PDGFD: variants seen among roughly 807,000 people sequenced by gnomAD.
PDGFD encodes the protein platelet-derived growth factor D.
PDGFD carries 30 observed loss-of-function variants against 44.7 expected under a neutral mutation model. The ratio of observed to expected loss-of-function variants is 0.67; its 90% CI spans 0.50 to 0.91. The LOEUF is 0.91. Among genes scored for constraint, PDGFD ranks in the 40% least tolerant of loss-of-function variants. The probability of loss-of-function intolerance (pLI) is 0.00; values close to 1 mark genes in which losing one functional copy is unlikely to be tolerated. For synonymous variants in PDGFD, 173 were observed against 168.4 expected, an observed-to-expected ratio of 1.03 and a Z score of -0.21; for missense variants, 445 against 457.8, an observed-to-expected ratio of 0.97 and a Z score of 0.25.
At chr11:104,002,841 T>C (rs1330096036) in intron 1 of PDGFD, among the ~76,000 whole-genome samples, 1 of 152,238 alleles carries the variant, frequency 6.6e-6, no homozygotes, top group East Asian at 1.9e-4. Flanking sequence ...TAAAACTTTA[T>C]GCCAATAATG....
Position 104,110,380 on chromosome 11 carries a change from G to A in PDGFD, c.124+53424C>T, listed in dbSNP as rs374951381. Among the ~76,000 whole-genome samples, 27 of 136,230 alleles carry A rather than the reference G, an allele frequency of 2.0e-4. No individual in the cohort carries two copies. The East Asian group carries it at 4.4e-3, about 22-fold the overall frequency. The allele number at this position is 136,230 out of a possible 152,430, so 89.4% of individuals were successfully genotyped here. A position where few individuals can be genotyped will look rare whatever the true frequency, so the allele number is the denominator to read the frequency against. On this transcript the variant is annotated intron_variant, in intron 1 of 6. Coordinates refer to ENST00000393158, the MANE Select transcript of PDGFD (RefSeq NM_025208.5). ...ACTGTATCCAACCCAATTTGAATTC[G>A]AAAGACTGTGAGTAGTAGTTATCTC... is the stretch of plus-strand genomic sequence containing the variant.
intron 1 of PDGFD, among the ~76,000 whole-genome samples, chr11:104,122,422 A>T (rs977754089): frequency 5.3e-5 from 8 of 152,026 alleles, no homozygotes; most frequent in Non-Finnish European, 1.0e-4. Context: ...CAAATGGCAC[A>T]CCTGGTCCAA....
intron 1 of PDGFD, among the ~76,000 whole-genome samples, chr11:104,114,726 T>G (rs1861606901): frequency 6.6e-6 from 1 of 152,050 alleles, no homozygotes; most frequent in Admixed American, 6.6e-5. Context: ...TTCCTATACA[T>G]GACCATAGAA....
In PDGFD at chr11:104,139,873, T is replaced by TA. The variant is rs1193661913; in HGVS notation, c.124+23930dup. Among the ~76,000 whole-genome samples the TA allele has an allele frequency of 6.0e-3, 119 of 19,850 alleles. 15 individuals are homozygous for TA. Among genetic ancestry groups the TA allele is most frequent in the Middle Eastern group, 0.024 (1 of 42 alleles). 13.0% of individuals were successfully genotyped at this position (19,850 alleles called of 152,430 possible). A position where few individuals can be genotyped will look rare whatever the true frequency, so the allele number is the denominator to read the frequency against. On this transcript the variant is annotated intron_variant, in intron 1 of 6. Coordinates refer to ENST00000393158, the MANE Select transcript of PDGFD (RefSeq NM_025208.5). ...TAACAAGGTGAAACCCCGTCTCTAC[T>TA]AAAAAAAAAAAAAAAAAAAAAAAAA...
chr11:104,082,042 T>C (rs1467415926), intron 1 of PDGFD, among the ~76,000 whole-genome samples: 1 of 150,700 alleles, frequency 6.6e-6, no homozygotes, highest in Non-Finnish European at 1.5e-5. Flanking sequence ...TTGTTCTTTA[T>C]AGAGGTGCCA....
At chr11:104,001,406 G>T (rs1325540869) in intron 1 of PDGFD, among the ~76,000 whole-genome samples, 1 of 152,176 alleles carries the variant, frequency 6.6e-6, no homozygotes, top group Admixed American at 6.5e-5. Context: ...TTAATTTTAA[G>T]TACAGTGCTT....
At chr11:104,022,161 A>G (rs546157154) in intron 1 of PDGFD, among the ~76,000 whole-genome samples, 3 of 152,268 alleles carry the variant, frequency 2.0e-5, no homozygotes, top group Non-Finnish European at 2.9e-5. Flanking sequence ...CTAATAATAG[A>G]ATGCCAGCAG....
intron 3 of PDGFD, among the ~76,000 whole-genome samples, chr11:103,959,843 T>C (rs919602227): frequency 2.6e-5 from 4 of 152,306 alleles, no homozygotes; most frequent in Middle Eastern, 3.4e-3. Context: ...ACTTGAAGTC[T>C]TCTCCTCCAG....
intron 1 of PDGFD, among the ~76,000 whole-genome samples, chr11:104,041,746 T>C (rs578086113): frequency 1.3e-5 from 2 of 152,218 alleles, no homozygotes; most frequent in South Asian, 2.1e-4. Context: ...AAGCAGAACA[T>C]ATAATCTTAA....
At chr11:104,100,448 G>T (rs1006481148) in intron 1 of PDGFD, among the ~76,000 whole-genome samples, 9 of 152,080 alleles carry the variant, frequency 5.9e-5, no homozygotes, top group African/African-American at 2.2e-4. Flanking sequence ...ACAATAACAG[G>T]CTCTGAAATT....
At position 104,000,100 on chromosome 11, in the gene PDGFD, C is replaced by G; in HGVS notation, c.280G>C (p.Val94Leu). The stretch of plus-strand genomic sequence containing the variant: ...TCTAATCCAAACTGATTGTCAAACA[C>G]TAGCTGTATCCGTGTATTCTCCTGA... ...HSQENTRIQL[V>L]FDNQFGLEEA... The change falls in exon 2 of 7, where the codon GTG (valine) becomes CTG (leucine). Residue 94 changes from valine to leucine, a missense_variant. Physicochemically the swap from Val to Leu is conservative, Grantham distance 32. Transcript: ENST00000393158. 1.9e-6 allele frequency: 3 copies of G among 1,614,134 alleles called. No homozygotes were observed. The highest frequency in any genetic ancestry group is 2.5e-6 in the Non-Finnish European group (3 of 1,180,014).
At chr11:103,969,254 A>T (rs1859066492) in intron 3 of PDGFD, among the ~76,000 whole-genome samples, 1 of 152,188 alleles carries the variant, frequency 6.6e-6, no homozygotes, top group South Asian at 2.1e-4. Flanking sequence ...TTAGCTAGAA[A>T]TTTAATTACT....
intron 6 of PDGFD, among the ~76,000 whole-genome samples, chr11:103,910,066 A>G (rs1363080631): frequency 6.7e-6 from 1 of 148,186 alleles, no homozygotes; most frequent in East Asian, 2.0e-4. Flanking sequence ...TGAAGTACCC[A>G]GATGATTTCA....
rs75779398 is a variant in PDGFD, at chr11:103,968,720, C to T, written c.511-20996G>A. Among the ~76,000 whole-genome samples the T allele has an allele frequency of 6.9e-3, 1,049 of 152,270 alleles. 15 individuals carry two copies. The highest frequency in any genetic ancestry group is 0.024 in the African/African-American group (997 of 41,548). On this transcript the variant is annotated intron_variant, in intron 3 of 6. Transcript: ENST00000393158. ...GCTGTAGTCGCCTTCCATTGGCCTG[C>T]CATATTGGTCTTCAAAAGCAAAATC...
rs570068328 is a variant in PDGFD, at chr11:104,030,353, C to T, written c.125-30098G>A. Among the ~76,000 whole-genome samples the T allele has an allele frequency of 3.3e-5, 5 of 152,226 alleles. No homozygotes were observed. The East Asian group carries it at 9.6e-4, about 29-fold the overall frequency. Reference sequence around the variant, plus strand: ...GTTTCCAATAAAATATCTTAATAGGCTGGAGAATAATAAAGGCCAGGCTGA... The same window carrying T: ...GTTTCCAATAAAATATCTTAATAGGTTGGAGAATAATAAAGGCCAGGCTGA... On this transcript the variant is annotated intron_variant, in intron 1 of 6. Transcript: ENST00000393158.
chr11:103,933,299 T>C (rs936197822), intron 5 of PDGFD, among the ~76,000 whole-genome samples: 1 of 152,210 alleles, frequency 6.6e-6, no homozygotes, highest in Admixed American at 6.5e-5. Context: ...TTCATCCTTA[T>C]GAATATTACA....
chr11:104,110,294 T>C (rs569606452), intron 1 of PDGFD, among the ~76,000 whole-genome samples: 2 of 151,940 alleles, frequency 1.3e-5, no homozygotes, highest in Admixed American at 1.3e-4. Flanking sequence ...ATGCAATTGA[T>C]GGTTTAAAAA....
chr11:103,961,841 G>A (rs569434045), intron 3 of PDGFD, among the ~76,000 whole-genome samples: 9 of 152,252 alleles, frequency 5.9e-5, no homozygotes, highest in South Asian at 4.1e-4. Flanking sequence ...AAGTGTCAGC[G>A]TCACTTGCCA....
chr11:103,924,831 TA>T (rs1858279763), intron 6 of PDGFD, among the ~76,000 whole-genome samples: 1 of 152,190 alleles, frequency 6.6e-6, no homozygotes, highest in Non-Finnish European at 1.5e-5. Flanking sequence ...ATTATTATTA[TA>T]CTTTAAGTTG....
Sources: allele counts gnomAD v4.1 joint callset (sites outside exome capture counted in the v4.1 genomes callset), GRCh38; gene constraint gnomAD v4.1.1; transcripts MANE v1.5; gene names NCBI Gene and HGNC (gene_info 2026-07-23, HGNC 2026-07-21).